Variants in GGTA1 observed in about 807,000 individuals in gnomAD.
GGTA1 encodes glycoprotein alpha-galactosyltransferase 1 (inactive).
In GGTA1, 5 loss-of-function variants were observed where a neutral mutation model predicts 2.6. That is an observed-to-expected ratio of 1.92 (90% CI 1.00 to 4.04). The LOEUF is 4.04. GGTA1 is among the 30% of genes most tolerant of loss of function. The pLI is 0.00. For synonymous variants in GGTA1, 17 were observed against 5.0 expected (o/e 3.38, Z -3.19); for missense variants, 50 against 16.7 (o/e 2.99, Z -3.47).
chr9:121,461,051 T>A (rs2064956870), intron 4 of GGTA1, among the ~76,000 whole-genome samples: 1 of 152,216 alleles, frequency 6.6e-6, no homozygotes, highest in Non-Finnish European at 1.5e-5. Flanking sequence ...CACTCCAGCC[T>A]GAGTGACAGT....
chr9:121,471,641 C>T (rs967663063), intron 1 of GGTA1, among the ~76,000 whole-genome samples: 5 of 152,178 alleles, frequency 3.3e-5, no homozygotes, highest in East Asian at 3.8e-4. Flanking sequence ...AATGTTATAA[C>T]CCAACTTCCA....
chr9:121,490,242 C>T lies in GGTA1; in HGVS notation c.-10+9408G>A, dbSNP rs115323258. 8.2e-3 allele frequency among the ~76,000 whole-genome samples: 1,250 copies of T among 152,280 alleles called. 18 individuals carry two copies. The highest frequency in any genetic ancestry group is 0.029 in the African/African-American group (1,192 of 41,544). ...ATAGTACCGCATGCCAGGCAATAGA[C>T]ACTTAGCTCTAAAAACCAACCTATT... On this transcript the variant is annotated intron_variant, in intron 1 of 5. Transcript: ENST00000481799.
intron 2 of GGTA1, 140 bp downstream of exon 2, chr9:121,467,703 A>G (rs10818542): frequency 0.3 from 103,927 of 343,406 alleles, 16,569 homozygotes; most frequent in Middle Eastern, 0.37. Context: ...AGGGCTTAGG[A>G]ATTCAGGAAG....
chr9:121,458,620 T>G (rs1043914651), intron 5 of GGTA1, among the ~76,000 whole-genome samples: 2 of 128,028 alleles, frequency 1.6e-5, no homozygotes, highest in Non-Finnish European at 3.4e-5. Context: ...AATGAGACCC[T>G]GTCTCAAATA....
intron 2 of GGTA1, among the ~76,000 whole-genome samples, chr9:121,464,324 GTTTTTTTTTTT>G (rs10681377): frequency 8.9e-6 from 1 of 111,896 alleles, no homozygotes; most frequent in Non-Finnish European, 1.7e-5. Flanking sequence ...CCTCCTTGAG[GTTTTTTTTTTT>G]TTTTTTTTTG....
chr9:121,475,467 C>G (rs2118718652), intron 1 of GGTA1, among the ~76,000 whole-genome samples: 1 of 152,270 alleles, frequency 6.6e-6, no homozygotes, highest in Non-Finnish European at 1.5e-5. Context: ...ACCCTCAATT[C>G]TTTCTTGAGT....
At chr9:121,498,130 G>A (rs532912827) in intron 1 of GGTA1, among the ~76,000 whole-genome samples, 6 of 152,352 alleles carry the variant, frequency 3.9e-5, no homozygotes, top group Admixed American at 3.9e-4. Context: ...GAACAGAACT[G>A]GTTCTGTCTG....
intron 1 of GGTA1, among the ~76,000 whole-genome samples, chr9:121,475,710 T>C (rs1399288085): frequency 6.6e-6 from 1 of 152,102 alleles, no homozygotes; most frequent in Non-Finnish European, 1.5e-5. Context: ...GTCAAGAGAC[T>C]CAACAGGATA....
chr9:121,445,755 AT>A (rs2064849397), exon 8 of GGTA1: 1 of 152,222 alleles, frequency 6.6e-6, no homozygotes, highest in African/African-American at 2.4e-5. Context: ...TATAGTGCAG[AT>A]GGAGCAGGAG....
chr9:121,465,789 G>A (rs948781139), intron 2 of GGTA1, among the ~76,000 whole-genome samples: 4 of 152,200 alleles, frequency 2.6e-5, no homozygotes, highest in Admixed American at 2.0e-4. Flanking sequence ...ATGAGGAAGA[G>A]GAGGAGGAGG....
At chr9:121,484,604 A>G (rs1396415477) in intron 1 of GGTA1, among the ~76,000 whole-genome samples, 1 of 152,202 alleles carries the variant, frequency 6.6e-6, no homozygotes, top group Non-Finnish European at 1.5e-5. Flanking sequence ...TACAATGAGA[A>G]CATATTACTT....
chr9:121,482,410 G>A (rs1424017793), intron 1 of GGTA1, among the ~76,000 whole-genome samples: 1 of 151,782 alleles, frequency 6.6e-6, no homozygotes, highest in African/African-American at 2.4e-5. Flanking sequence ...GAGGTTGCAG[G>A]GAATCAATAT....
At chr9:121,494,165 C>T (rs528774231) in intron 1 of GGTA1, among the ~76,000 whole-genome samples, 1 of 152,312 alleles carries the variant, frequency 6.6e-6, no homozygotes, top group South Asian at 2.1e-4. Context: ...CACAGGGTTT[C>T]AGAGAGGAAC....
intron 1 of GGTA1, among the ~76,000 whole-genome samples, chr9:121,493,200 A>AT (rs1284615009): frequency 6.6e-6 from 1 of 151,112 alleles, no homozygotes; most frequent in Non-Finnish European, 1.5e-5. Context: ...AGCCTCTTCC[A>AT]TTTCCTGCTT....
At chr9:121,472,550 A>G (rs1309699724) in intron 1 of GGTA1, among the ~76,000 whole-genome samples, 1 of 152,240 alleles carries the variant, frequency 6.6e-6, no homozygotes, top group Admixed American at 6.5e-5. Context: ...TGGAATAAGA[A>G]CATGTTATAC....
chr9:121,454,561 G>T (rs550773145), downstream of GGTA1, among the ~76,000 whole-genome samples: 1 of 152,294 alleles, frequency 6.6e-6, no homozygotes, highest in East Asian at 1.9e-4. Flanking sequence ...GCTGGTAGGG[G>T]TTAAAGCTGG....
At chr9:121,456,656 T>C (rs2064913727) in intron 5 of GGTA1, among the ~76,000 whole-genome samples, 1 of 152,096 alleles carries the variant, frequency 6.6e-6, no homozygotes, top group South Asian at 2.1e-4. Flanking sequence ...CCTCAGGTGA[T>C]CCACCCACCT....
intron 1 of GGTA1, among the ~76,000 whole-genome samples, chr9:121,496,757 A>AAAAAAAAAAAAG (rs1554838784): frequency 1.4e-4 from 16 of 111,994 alleles, no homozygotes; most frequent in African/African-American, 4.7e-4. Flanking sequence ...AAAAAAAAAA[A>AAAAAAAAAAAAG]AGAGAGAGAG....
At chr9:121,473,283 G>GCA (rs1487515953) in intron 1 of GGTA1, among the ~76,000 whole-genome samples, 2 of 137,816 alleles carry the variant, frequency 1.5e-5, no homozygotes, top group African/African-American at 5.6e-5. Context: ...TCATGCCACT[G>GCA]CACTCCGGCC....
Sources: allele counts gnomAD v4.1 joint callset (sites outside exome capture counted in the v4.1 genomes callset), GRCh38; gene constraint gnomAD v4.1.1; transcripts MANE v1.5; gene names NCBI Gene and HGNC (gene_info 2026-07-23, HGNC 2026-07-21).